The following PROKR2 variants were observed in gnomAD, a reference collection of about 807,000 sequenced individuals.
PROKR2 encodes the protein prokineticin receptor 2.
A neutral mutation model predicts 23.4 loss-of-function variants in PROKR2; 26 were observed. The ratio of observed to expected loss-of-function variants is 1.11; its 90% confidence interval spans 0.81 to 1.54. PROKR2 has a LOEUF of 1.54. Ranked by LOEUF, PROKR2 falls within the 40% of genes most tolerant of loss-of-function variation. The pLI is 0.00. For missense variants in PROKR2, 453 were observed against 511.5 expected (o/e 0.89, Z 1.10); for synonymous variants, 212 against 201.2 (o/e 1.05, Z -0.45).
intron 1 of PROKR2, among the ~76,000 whole-genome samples, chr20:5,315,213 C>T (rs895374618): frequency 6.7e-6 from 1 of 149,138 alleles, no homozygotes; most frequent in African/African-American, 2.4e-5. Context: ...TGCTGCTCCC[C>T]GTTCTGTGGG....
chr20:5,306,429 G>C (rs896340810), intron 2 of PROKR2, among the ~76,000 whole-genome samples: 1 of 152,156 alleles, frequency 6.6e-6, no homozygotes, highest in African/African-American at 2.4e-5. Flanking sequence ...TTAAAAGACT[G>C]TTTCTTTACT....
intron 2 of PROKR2, among the ~76,000 whole-genome samples, chr20:5,305,593 A>G (rs1009275440): frequency 6.6e-6 from 1 of 152,200 alleles, no homozygotes; most frequent in African/African-American, 2.4e-5. Context: ...AATGAACAGG[A>G]GGATTTGGAA....
intron 2 of PROKR2, among the ~76,000 whole-genome samples, chr20:5,308,458 TCGGCC>T (rs1979309016): frequency 7.8e-5 from 3 of 38,496 alleles, no homozygotes; most frequent in Admixed American, 1.9e-4. Flanking sequence ...TCCCTTTATT[TCGGCC>T]CATCCCTTCA....
At chr20:5,304,453 A>T (rs1481478448) in intron 2 of PROKR2, among the ~76,000 whole-genome samples, 1 of 152,166 alleles carries the variant, frequency 6.6e-6, no homozygotes, top group Non-Finnish European at 1.5e-5. Flanking sequence ...AGCTCGTCTA[A>T]CTCCTGCTCA....
Position 5,313,997 on chromosome 20 carries a change from G to C in PROKR2, c.373C>G (p.His125Asp), listed in dbSNP as rs1262451568. 1 of 1,614,086 alleles carries C rather than the reference G, an allele frequency of 6.2e-7. No homozygotes were observed. The highest frequency in any genetic ancestry group is 1.3e-5 in the African/African-American group (1 of 74,934). The change falls in exon 2 of 3, where the codon CAC (histidine) becomes GAC (aspartate). Residue 125 changes from histidine (H) to aspartate (D), a missense_variant. By Grantham distance (81) the His-to-Asp change is moderately conservative. Transcript: ENST00000678254. ...VVRQLSWEHG[H>D]VLCASVNYLR... ...TAGTTGACGGAGGCACAGAGCACGTGGCCATGCTCCCAGGAGAGCTGCCGT... is the reference window on the plus strand; with the variant it reads ...TAGTTGACGGAGGCACAGAGCACGTCGCCATGCTCCCAGGAGAGCTGCCGT...
rs539343362 is a variant in PROKR2 at position 5,300,168 on chromosome 20, C to T, written c.*1872G>A. ...AAAATGAATCAAGAAGAAATGAAGA[C>T]GTGTACCTACAGTTACCACAAATGT... On this transcript the variant is annotated 3_prime_UTR_variant, in exon 3 of 3. Transcript: ENST00000678254. 3.4e-5 allele frequency among the ~76,000 whole-genome samples: 5 copies of T among 148,562 alleles called. No individual in the cohort carries two copies. Among genetic ancestry groups the T allele is most frequent in the South Asian group, 2.2e-4 (1 of 4,508 alleles).
intron 2 of PROKR2, among the ~76,000 whole-genome samples, chr20:5,307,291 A>G (rs1261976569): frequency 6.6e-6 from 1 of 152,232 alleles, no homozygotes; most frequent in Non-Finnish European, 1.5e-5. Flanking sequence ...AGCGGTGATC[A>G]CCATTGCCAT....
chr20:5,315,115 G>C (rs1979612013), intron 1 of PROKR2, among the ~76,000 whole-genome samples: 2 of 152,022 alleles, frequency 1.3e-5, no homozygotes, highest in Admixed American at 1.3e-4. Context: ...CTGGTGCATA[G>C]TGGGGGCTAG....
chr20:5,311,315 A>G (rs968136119), intron 2 of PROKR2, among the ~76,000 whole-genome samples: 1 of 152,128 alleles, frequency 6.6e-6, no homozygotes, highest in Non-Finnish European at 1.5e-5. Flanking sequence ...GATGATGGTA[A>G]CTTTTCCCTG....
intron 2 of PROKR2, among the ~76,000 whole-genome samples, chr20:5,313,217 A>G (rs1184111133): frequency 1.3e-5 from 2 of 152,274 alleles, no homozygotes; most frequent in African/African-American, 4.8e-5. Context: ...AAAATAAAAT[A>G]GAGCAAGGAC....
chr20:5,307,726 T>G (rs927221842), intron 2 of PROKR2, among the ~76,000 whole-genome samples: 2 of 152,214 alleles, frequency 1.3e-5, no homozygotes, highest in African/African-American at 4.8e-5. Flanking sequence ...TGGCAAGAGT[T>G]CCTATTATCT....
chr20:5,302,842 G>T (rs1349428741), intron 2 of PROKR2, 106 bp from the exon 3 acceptor site: 5 of 812,514 alleles, frequency 6.2e-6, no homozygotes, highest in Non-Finnish European at 6.2e-6. Context: ...GAATCCTCAT[G>T]TACTTGTTAT....
intron 2 of PROKR2, among the ~76,000 whole-genome samples, chr20:5,305,302 A>T (rs1447031129): frequency 6.6e-6 from 1 of 152,224 alleles, no homozygotes; most frequent in African/African-American, 2.4e-5. Flanking sequence ...CAGTAGATTT[A>T]TGCTGCACAA....
rs765584064 is a variant in PROKR2 at position 5,314,099 on chromosome 20, G to A, written c.271C>T (p.Leu91Phe). The change falls in exon 2 of 3, where the codon CTC (leucine) becomes TTC (phenylalanine). Residue 91 changes from leucine to phenylalanine, a missense_variant. Coordinates refer to ENST00000678254, the MANE Select transcript of PROKR2 (RefSeq NM_144773.4). ...YKKLRNLTNL[L>F]IANLAISDFL... Reference sequence around the variant, plus strand: ...TCGGAGATGGCCAGGTTGGCAATGAGCAGATTGGTGAGGTTGCGCAACTTC... The same window carrying A: ...TCGGAGATGGCCAGGTTGGCAATGAACAGATTGGTGAGGTTGCGCAACTTC... 14 of 1,614,228 alleles carry A rather than the reference G, an allele frequency of 8.7e-6. No homozygotes were observed. The highest frequency in any genetic ancestry group is 1.7e-5 in the Admixed American group (1 of 60,036).
chr20:5,302,612 T>G lies in PROKR2; in HGVS notation c.583A>C (p.Thr195Pro), dbSNP rs1979046711. 2 of 1,614,108 alleles carry G rather than the reference T, an allele frequency of 1.2e-6. No individual in the cohort carries two copies. Among genetic ancestry groups the G allele is most frequent in the South Asian group, 1.1e-5 (1 of 91,078 alleles). ...TGGCTCTTGACAATAAAGAGGACCG[T>G]TTCTGTTGCAAAGTAAGCCGATGGG... ...AIPSAYFATE[T>P]VLFIVKSQEK... Residue 195 changes from threonine to proline, a missense_variant, in exon 3 of 3, where the codon ACG (threonine) becomes CCG (proline). Physicochemically the swap from Thr to Pro is conservative, Grantham distance 38. Coordinates refer to ENST00000678254, the MANE Select transcript of PROKR2 (RefSeq NM_144773.4).
rs1978980955 is a variant in PROKR2 at position 5,301,385 on chromosome 20, A to G, written c.*655T>C. Among the ~76,000 whole-genome samples, 1 of 152,190 alleles carries G rather than the reference A, an allele frequency of 6.6e-6. No homozygotes were observed. Among genetic ancestry groups the G allele is most frequent in the Non-Finnish European group, 1.5e-5 (1 of 68,034 alleles). ...GTAACTGGGATTACAGGCGCCCGCC[A>G]CCACGCCTAGCTAATTTTGTATTTT... On this transcript the variant is annotated 3_prime_UTR_variant, in exon 3 of 3. Transcript: ENST00000678254.
rs751809209 is a variant in PROKR2 at position 5,300,032 on chromosome 20, G to T, written c.*2008C>A. 1.9e-4 allele frequency among the ~76,000 whole-genome samples: 29 copies of T among 152,312 alleles called. No homozygotes were observed. Among genetic ancestry groups the T allele is most frequent in the Non-Finnish European group, 3.5e-4 (24 of 68,030 alleles). ...CAGAGAAACAAATCAACAAATAATA[G>T]AAACAATCAAACAAGCAAACAATTA... On this transcript the variant is annotated 3_prime_UTR_variant, in exon 3 of 3. Transcript: ENST00000678254.
chr20:5,316,320 A>C lies in PROKR2; in HGVS notation c.-9+174T>G. On this transcript the variant is annotated intron_variant, in intron 1 of 2. Coordinates refer to ENST00000678254, the MANE Select transcript of PROKR2 (RefSeq NM_144773.4). The surrounding 1 kb of genome is among the most constrained non-coding windows in gnomAD (Gnocchi z 5.0). ...CCCGGTCCTAGAGGGCCCAGAGGGGATCTCCTGAAACCAACTCGCCTGCTT... is the reference window on the plus strand; with the variant it reads ...CCCGGTCCTAGAGGGCCCAGAGGGGCTCTCCTGAAACCAACTCGCCTGCTT... 2.2e-6 allele frequency: 1 copy of C among 456,622 alleles called. No homozygotes were observed. Among genetic ancestry groups the C allele is most frequent in the Non-Finnish European group, 4.4e-6 (1 of 226,942 alleles). 28.3% of individuals were successfully genotyped at this position (456,622 alleles called of 1,614,324 possible).
In PROKR2 at chr20:5,302,571, A is replaced by T; in HGVS notation, c.624T>A (p.Cys208Ter). The T allele has an allele frequency of 1.2e-6, 2 of 1,614,238 alleles. No homozygotes were observed. Among genetic ancestry groups the T allele is most frequent in the Non-Finnish European group, 1.7e-6 (2 of 1,180,030 alleles). Residue 208 changes from cysteine to a stop codon, truncating the protein, a stop_gained, in exon 3 of 3, where the codon TGT (cysteine) becomes TGA (stop). Coordinates refer to ENST00000678254, the MANE Select transcript of PROKR2 (RefSeq NM_144773.4). LOFTEE classifies it high-confidence loss of function. ...GCTGATCCACAGGCCAGATCTGGCC[A>T]CAGAAGATCTTCTCCTGGCTCTTGA... Reference protein sequence around the residue: ...FIVKSQEKIFCGQIWPVDQQL... With the variant: ...FIVKSQEKIF
Sources: gnomAD v4.1 joint callset for allele counts (sites outside exome capture counted in the v4.1 genomes callset) on GRCh38, gnomAD v4.1.1 for gene constraint, Gnocchi (gnomAD v3.1) non-coding constraint, MANE v1.5 for transcripts, NCBI Gene and HGNC (gene_info 2026-07-23, HGNC 2026-07-21) for gene names.